WLS: variants seen among roughly 807,000 people sequenced by gnomAD.
WLS encodes protein wntless homolog.
In WLS, 23 loss-of-function variants were observed where a neutral mutation model predicts 62.8. That is an observed-to-expected ratio of 0.37 (90% CI 0.26 to 0.52). WLS has a LOEUF of 0.52. Among genes scored for constraint, WLS ranks in the 20% least tolerant of loss-of-function variants. The pLI is 0.92. For missense variants in WLS, 615 were observed against 697.3 expected (o/e 0.88, Z 1.33); for synonymous variants, 246 against 244.1 (o/e 1.01, Z -0.07).
chr1:68,179,968 G>A (rs934600602), intron 2 of WLS, among the ~76,000 whole-genome samples: 8 of 152,126 alleles, frequency 5.3e-5, no homozygotes, highest in African/African-American at 1.9e-4. Flanking sequence ...TTATGGCTTG[G>A]GGACTGATCA....
At chr1:68,157,827 T>C (rs1030816691) in intron 3 of WLS, among the ~76,000 whole-genome samples, 2 of 152,174 alleles carry the variant, frequency 1.3e-5, no homozygotes, top group African/African-American at 2.4e-5. Flanking sequence ...GTGCCCTCCA[T>C]GTGTATAAAT....
intron 5 of WLS, among the ~76,000 whole-genome samples, chr1:68,152,211 A>G (rs1227475062): frequency 1.3e-5 from 2 of 152,226 alleles, no homozygotes; most frequent in African/African-American, 2.4e-5. Flanking sequence ...TTCAATGCAA[A>G]TGAAGACATT....
chr1:68,184,397 A>T (rs1437839430), intron 2 of WLS, among the ~76,000 whole-genome samples: 2 of 152,204 alleles, frequency 1.3e-5, no homozygotes, highest in East Asian at 1.9e-4. Flanking sequence ...GTGACTTTTT[A>T]AAAAATGGTA....
At position 68,232,182 on chromosome 1, in the gene WLS, C is replaced by T. The variant is rs1171871809; in HGVS notation, c.106+12G>A. 7 of 1,614,038 alleles carry T rather than the reference C, an allele frequency of 4.3e-6. No homozygotes were observed. The highest frequency in any genetic ancestry group is 5.1e-6 in the Non-Finnish European group (6 of 1,180,000). ...CAGAAAGGGGGAAAAGTTTGCAGCT[C>T]TCCGCACTTACCAATCAAGCCTCCC... On this transcript the variant is annotated intron_variant, in intron 1 of 11. Transcript: ENST00000262348.
intron 1 of WLS, among the ~76,000 whole-genome samples, chr1:68,224,998 G>C (rs1650085463): frequency 1.3e-5 from 2 of 152,050 alleles, no homozygotes; most frequent in Admixed American, 1.3e-4. Flanking sequence ...CCTCAAAAAA[G>C]GTTCTTAAAT....
chr1:68,115,132 G>A (rs1646274414), intron 11 of WLS, among the ~76,000 whole-genome samples: 1 of 152,182 alleles, frequency 6.6e-6, no homozygotes, highest in African/African-American at 2.4e-5. Flanking sequence ...TGCACCTTGG[G>A]TTTCAACTCA....
chr1:68,155,331 T>TGGATC (rs1347480104), intron 3 of WLS, 71 bp from the exon 4 acceptor site: 51 of 1,522,050 alleles, frequency 3.4e-5, no homozygotes, highest in Admixed American at 4.2e-5. Flanking sequence ...TCTGTTACCC[T>TGGATC]GGATCCATAA....
intron 11 of WLS, among the ~76,000 whole-genome samples, chr1:68,135,305 CTTTT>C (rs71581156): frequency 6.3e-3 from 421 of 66,760 alleles, no homozygotes; most frequent in African/African-American, 0.025. Flanking sequence ...CCATGCCTGG[CTTTT>C]TTTTTTTTTT....
intron 2 of WLS, among the ~76,000 whole-genome samples, chr1:68,174,977 C>T (rs1348481819): frequency 2.0e-5 from 3 of 152,050 alleles, no homozygotes; most frequent in Admixed American, 1.3e-4. Flanking sequence ...TATGGAGGGA[C>T]AACTGGGAAA....
At chr1:68,226,554 A>T (rs1281827558) in intron 1 of WLS, among the ~76,000 whole-genome samples, 1 of 152,194 alleles carries the variant, frequency 6.6e-6, no homozygotes, top group African/African-American at 2.4e-5. Context: ...AATTTCATAC[A>T]TTCTCGAATT....
intron 1 of WLS, among the ~76,000 whole-genome samples, chr1:68,209,553 C>T (rs577798829): frequency 2.0e-5 from 3 of 152,142 alleles, no homozygotes; most frequent in African/African-American, 7.2e-5. Context: ...CCGAGGTGGG[C>T]GGAACACCTG....
At chr1:68,098,646 C>T (rs747671564) in exon 12 of WLS, 1 of 1,613,814 alleles carries the variant, frequency 6.2e-7, no homozygotes, top group Middle Eastern at 1.7e-4. Context: ...ATACCAGAAG[C>T]TGCGTTGTCA....
chr1:68,110,228 A>T (rs1297921017), intron 11 of WLS, among the ~76,000 whole-genome samples: 1 of 151,908 alleles, frequency 6.6e-6, no homozygotes, highest in Non-Finnish European at 1.5e-5. Flanking sequence ...AAAAAATTTA[A>T]TTTAAAATTA....
intron 1 of WLS, among the ~76,000 whole-genome samples, chr1:68,207,529 T>G (rs1649329729): frequency 6.6e-6 from 1 of 152,222 alleles, no homozygotes; most frequent in African/African-American, 2.4e-5. Context: ...CTGATTACCC[T>G]CTACAAAAAG....
intron 1 of WLS, among the ~76,000 whole-genome samples, chr1:68,194,531 A>G (rs1348501272): frequency 1.3e-5 from 2 of 152,210 alleles, no homozygotes; most frequent in Non-Finnish European, 2.9e-5. Context: ...CAACTGTGCT[A>G]CAGTTCCCAC....
At chr1:68,150,493 A>G in intron 5 of WLS, 137 bp from the exon 6 acceptor site, 3 of 1,221,164 alleles carry the variant, frequency 2.5e-6, no homozygotes. Context: ...TCTTCTGCAC[A>G]GAGATGCAAA....
chr1:68,173,215 A>C (rs1485402261), intron 2 of WLS, among the ~76,000 whole-genome samples: 2 of 152,264 alleles, frequency 1.3e-5, no homozygotes, highest in Non-Finnish European at 2.9e-5. Context: ...AGCAAGTGTT[A>C]AAACACTGGA....
rs190118641 is a variant in WLS, at chr1:68,173,690, C to T, written c.380-14443G>A. The stretch of plus-strand genomic sequence containing the variant: ...TTTATTAGTCCTCCCAAAATCCTGA[C>T]GAAACCAGCTAAGTATTTTGCCCAG... On this transcript the variant is annotated intron_variant, in intron 2 of 11. Coordinates refer to ENST00000262348, the MANE Select transcript of WLS (RefSeq NM_024911.7). 1.1e-3 allele frequency among the ~76,000 whole-genome samples: 171 copies of T among 151,840 alleles called. No homozygotes were observed. The Middle Eastern group carries it at 0.017, about 15-fold the overall frequency.
At chr1:68,178,630 C>T (rs1390938211) in intron 2 of WLS, among the ~76,000 whole-genome samples, 1 of 148,522 alleles carries the variant, frequency 6.7e-6, no homozygotes, top group Non-Finnish European at 1.5e-5. Flanking sequence ...CACTTGAACC[C>T]AGGAGGGGGA....
Sources: gnomAD v4.1 joint callset for allele counts (sites outside exome capture counted in the v4.1 genomes callset) on GRCh38, gnomAD v4.1.1 for gene constraint, MANE v1.5 for transcripts, NCBI Gene and HGNC (gene_info 2026-07-23, HGNC 2026-07-21) for gene names.